Variants in PDE4D observed in about 807,000 individuals in gnomAD.
The protein encoded by PDE4D is 3',5'-cyclic-AMP phosphodiesterase 4D.
PDE4D carries 24 observed loss-of-function variants against 87.4 expected under a neutral mutation model. The observed-to-expected ratio is 0.27, with a 90% CI of 0.20 to 0.39. PDE4D has a LOEUF of 0.39. Ranked by LOEUF, PDE4D falls within the 10% of genes least tolerant of loss-of-function variation. The pLI, the probability that PDE4D is intolerant of heterozygous loss-of-function variation, is 1.00. For missense variants in PDE4D, 714 were observed against 1,041.0 expected (o/e 0.69, Z 4.32); for synonymous variants, 384 against 383.2 (o/e 1.00, Z -0.02).
intron 1 of PDE4D, among the ~76,000 whole-genome samples, chr5:60,318,604 T>G (rs530380510): frequency 0.055 from 8,325 of 152,250 alleles, 753 homozygotes; most frequent in African/African-American, 0.19. Context: ...ATTTGGCATG[T>G]TTTTGCAGTG....
At chr5:58,987,134 T>C (rs1343402036) in intron 11 of PDE4D, among the ~76,000 whole-genome samples, 1 of 152,184 alleles carries the variant, frequency 6.6e-6, no homozygotes, top group African/African-American at 2.4e-5. Context: ...TCCCTGCTCT[T>C]CTTAGAAAGG....
intron 1 of PDE4D, among the ~76,000 whole-genome samples, chr5:59,295,442 T>C (rs1768871973): frequency 1.3e-5 from 2 of 152,132 alleles, no homozygotes; most frequent in South Asian, 4.1e-4. Flanking sequence ...CAGGCTTTTG[T>C]TTTGATAGAC....
chr5:60,147,656 T>C, intron 2 of PDE4D: 1 of 398,954 alleles, frequency 2.5e-6, no homozygotes, highest in Non-Finnish European at 5.0e-6. Flanking sequence ...GAGCTTAGGG[T>C]CTCTCAAGAG....
intron 1 of PDE4D, among the ~76,000 whole-genome samples, chr5:59,254,333 T>C (rs1760547597): frequency 6.6e-6 from 1 of 152,134 alleles, no homozygotes; most frequent in African/African-American, 2.4e-5. Context: ...ATTTTGCTTT[T>C]GATGTGGATT....
intron 1 of PDE4D, among the ~76,000 whole-genome samples, chr5:60,218,545 C>G (rs1221621240): frequency 6.6e-6 from 1 of 151,954 alleles, no homozygotes; most frequent in Non-Finnish European, 1.5e-5. Flanking sequence ...AAATGCCACA[C>G]AGATGTCCTA....
chr5:60,368,933 C>T (rs1384703199), intron 1 of PDE4D, among the ~76,000 whole-genome samples: 2 of 152,082 alleles, frequency 1.3e-5, no homozygotes, highest in African/African-American at 2.4e-5. Flanking sequence ...TAATAAAATA[C>T]CCTGTCTCAG....
At chr5:60,047,549 G>C (rs993757651) in intron 2 of PDE4D, among the ~76,000 whole-genome samples, 2 of 152,160 alleles carry the variant, frequency 1.3e-5, no homozygotes, top group African/African-American at 4.8e-5. Flanking sequence ...ATGCGTCCCA[G>C]AGATTCTGGT....
chr5:59,401,256 G>A (rs1367734648), intron 1 of PDE4D, among the ~76,000 whole-genome samples: 1 of 152,086 alleles, frequency 6.6e-6, no homozygotes, highest in Non-Finnish European at 1.5e-5. Flanking sequence ...ACCAGCCTGG[G>A]CAACATAGAG....
At chr5:59,497,899 GA>G (rs1484986665) in intron 1 of PDE4D, among the ~76,000 whole-genome samples, 1 of 151,822 alleles carries the variant, frequency 6.6e-6, no homozygotes, top group African/African-American at 2.4e-5. Context: ...CAACGTGAAA[GA>G]AAAAAACTTA....
At chr5:59,744,507 G>T (rs547729705) in intron 1 of PDE4D, among the ~76,000 whole-genome samples, 92 of 152,252 alleles carry the variant, frequency 6.0e-4, no homozygotes, top group African/African-American at 2.2e-3. Context: ...CTAGTATAAA[G>T]CCTGACTTTG....
chr5:59,445,451 T>C (rs574231395), intron 1 of PDE4D, among the ~76,000 whole-genome samples: 2 of 152,236 alleles, frequency 1.3e-5, no homozygotes, highest in African/African-American at 4.8e-5. Flanking sequence ...ATTGACCCTA[T>C]GCAGGCTGAA....
chr5:59,185,688 A>G (rs1010496836), intron 3 of PDE4D, among the ~76,000 whole-genome samples: 3 of 152,226 alleles, frequency 2.0e-5, no homozygotes, highest in Admixed American at 1.3e-4. Context: ...CATAATAATA[A>G]GTTGGCAAGT....
chr5:59,900,238 T>G (rs1174261323), intron 3 of PDE4D, among the ~76,000 whole-genome samples: 1 of 78,922 alleles, frequency 1.3e-5, no homozygotes, highest in Non-Finnish European at 2.9e-5. Context: ...AGACTCCATA[T>G]CAAAAAAAAA....
chr5:59,941,298 T>C (rs2916866), intron 3 of PDE4D, among the ~76,000 whole-genome samples: 94,833 of 152,120 alleles, frequency 0.62, 33,338 homozygotes, highest in East Asian at 0.93. Context: ...ACTCCACTAA[T>C]TGGTGAACAA....
At chr5:60,239,023 T>C (rs906720802) in intron 1 of PDE4D, among the ~76,000 whole-genome samples, 8 of 152,098 alleles carry the variant, frequency 5.3e-5, no homozygotes, top group African/African-American at 1.4e-4. Flanking sequence ...AAATGGGTTT[T>C]AGTCTTAAGA....
At chr5:59,917,254 G>C (rs796680285) in intron 3 of PDE4D, among the ~76,000 whole-genome samples, 1 of 152,118 alleles carries the variant, frequency 6.6e-6, no homozygotes, top group South Asian at 2.1e-4. Context: ...TCACAGGCTT[G>C]ATTCTGATCT....
At chr5:59,555,186 CAT>C in intron 1 of PDE4D, among the ~76,000 whole-genome samples, 2 of 152,268 alleles carry the variant, frequency 1.3e-5, no homozygotes, top group South Asian at 2.1e-4. Flanking sequence ...AAAATGCAAT[CAT>C]GTCCTCTGCA....
At chr5:59,265,660 T>C (rs1055757974) in intron 1 of PDE4D, among the ~76,000 whole-genome samples, 9 of 152,042 alleles carry the variant, frequency 5.9e-5, no homozygotes, top group African/African-American at 2.2e-4. Flanking sequence ...ATATACATCA[T>C]TGCTAAAGGT....
rs564180101 is a variant in PDE4D, at chr5:59,733,817, A to G, written c.455+159351T>C. ...CTTTGTGGATGAGTATTAAGCATAT[A>G]AGTTAGAAAATACCAATTTTATTAC... is the stretch of plus-strand genomic sequence containing the variant. On this transcript the variant is annotated intron_variant, in intron 1 of 14. Transcript: ENST00000340635. 7.9e-5 allele frequency among the ~76,000 whole-genome samples: 12 copies of G among 152,180 alleles called. No individual in the cohort carries two copies. In the South Asian group the frequency reaches 1.0e-3, roughly 13 times the overall value.
Sources: gnomAD v4.1 joint callset for allele counts (sites outside exome capture counted in the v4.1 genomes callset) on GRCh38, gnomAD v4.1.1 for gene constraint, MANE v1.5 for transcripts, NCBI Gene and HGNC (gene_info 2026-07-23, HGNC 2026-07-21) for gene names.